Variants in PTPRG observed in about 807,000 individuals in gnomAD.
The protein encoded by PTPRG is receptor-type tyrosine-protein phosphatase gamma.
Under a neutral mutation model 165.3 loss-of-function variants are expected in PTPRG, and 102 were observed. The observed-to-expected ratio is 0.62, with a 90% confidence interval of 0.53 to 0.73. The LOEUF is 0.73. PTPRG is among the 30% of genes least tolerant of loss of function. The pLI is 0.00. For synonymous variants in PTPRG, 675 were observed against 669.5 expected, an observed-to-expected ratio of 1.01 and a Z score of -0.13; for missense variants, 1,866 against 1,861.4, an observed-to-expected ratio of 1.00 and a Z score of -0.05.
chr3:62,086,491 C>A (rs940512939), intron 5 of PTPRG, among the ~76,000 whole-genome samples: 3 of 152,262 alleles, frequency 2.0e-5, no homozygotes, highest in African/African-American at 7.2e-5. Context: ...GAACTTCCTT[C>A]TTAGACTGCT....
intron 5 of PTPRG, among the ~76,000 whole-genome samples, chr3:62,121,914 G>A (rs1264292502): frequency 6.6e-6 from 1 of 152,164 alleles, no homozygotes; most frequent in Non-Finnish European, 1.5e-5. Context: ...ATCAATCAAG[G>A]CCTGCCAGGA....
chr3:62,163,915 G>A (rs756892662), intron 7 of PTPRG, among the ~76,000 whole-genome samples: 1 of 152,228 alleles, frequency 6.6e-6, no homozygotes, highest in Non-Finnish European at 1.5e-5. Flanking sequence ...CAGGTAGCAG[G>A]GGTAAGGGTT....
At chr3:61,600,537 T>G (rs1471265216) in intron 1 of PTPRG, among the ~76,000 whole-genome samples, 1 of 152,054 alleles carries the variant, frequency 6.6e-6, no homozygotes, top group East Asian at 1.9e-4. Context: ...TTGGTTCTTT[T>G]GTTTTTTGTT....
chr3:61,685,996 G>A lies in PTPRG; in HGVS notation c.86-62882G>A, dbSNP rs543213669. ...CGCTTGTTGGGGTATGAGTGGGAGC[G>A]CCGTGCTTCTGAACATTTGCAAAGC... On this transcript the variant is annotated intron_variant, in intron 1 of 29. Coordinates refer to ENST00000474889, the MANE Select transcript of PTPRG (RefSeq NM_002841.4). 3.3e-5 allele frequency among the ~76,000 whole-genome samples: 5 copies of A among 152,230 alleles called. No individual in the cohort carries two copies. The East Asian group carries it at 7.7e-4, about 24-fold the overall frequency.
At chr3:62,274,467 C>T (rs777827815) in intron 23 of PTPRG, among the ~76,000 whole-genome samples, 3 of 152,224 alleles carry the variant, frequency 2.0e-5, no homozygotes, top group South Asian at 4.1e-4. Context: ...ATCAAAATTG[C>T]TTCTAACTTT....
intron 2 of PTPRG, among the ~76,000 whole-genome samples, chr3:61,753,021 C>T (rs1019708252): frequency 2.0e-5 from 3 of 151,944 alleles, no homozygotes; most frequent in African/African-American, 7.3e-5. Context: ...TTTGTGAATA[C>T]CTGTAATTTT....
At chr3:61,997,457 G>GA (rs1206254911) in intron 3 of PTPRG, among the ~76,000 whole-genome samples, 19 of 152,190 alleles carry the variant, frequency 1.2e-4, no homozygotes, top group Admixed American at 4.6e-4. Context: ...TGTCACCTTG[G>GA]CTTTCTCTTA....
chr3:61,880,465 C>T (rs1323173702), intron 2 of PTPRG, among the ~76,000 whole-genome samples: 1 of 151,948 alleles, frequency 6.6e-6, no homozygotes, highest in African/African-American at 2.4e-5. Flanking sequence ...ACAAAAAATA[C>T]AAAAATTAGC....
At chr3:62,125,645 GCTC>G (rs1264252321) in intron 5 of PTPRG, among the ~76,000 whole-genome samples, 1 of 151,404 alleles carries the variant, frequency 6.6e-6, no homozygotes, top group East Asian at 1.9e-4. Flanking sequence ...CCTGAAATAA[GCTC>G]CTTTTGCCCC....
At chr3:61,760,014 C>G (rs2033780697) in intron 2 of PTPRG, among the ~76,000 whole-genome samples, 1 of 152,084 alleles carries the variant, frequency 6.6e-6, no homozygotes, top group Non-Finnish European at 1.5e-5. Flanking sequence ...TGATGTGTTA[C>G]ATTTCCTATT....
At chr3:62,106,976 A>G (rs1480601662) in intron 5 of PTPRG, among the ~76,000 whole-genome samples, 1 of 152,162 alleles carries the variant, frequency 6.6e-6, no homozygotes, top group Non-Finnish European at 1.5e-5. Context: ...CCTTTTCTGG[A>G]TTACCTTCAC....
intron 9 of PTPRG, among the ~76,000 whole-genome samples, chr3:62,192,402 T>C (rs1323043036): frequency 2.0e-5 from 2 of 99,996 alleles, no homozygotes; most frequent in African/African-American, 1.0e-4. Flanking sequence ...TCTTTTTTTT[T>C]TTTTTTTTTT....
chr3:62,067,037 TC>T (rs538451097), intron 4 of PTPRG, among the ~76,000 whole-genome samples: 762 of 48,160 alleles, frequency 0.016, 8 homozygotes, highest in African/African-American at 0.052. Flanking sequence ...AGATTCTGAC[TC>T]AAAAAAAAAA....
rs192022643 is a variant in PTPRG at position 61,989,584 on chromosome 3, C to T, written c.191-41C>T. 1,029 of 1,591,536 alleles carry T rather than the reference C, an allele frequency of 6.5e-4. 2 individuals are homozygous for T. The highest frequency in any genetic ancestry group is 6.9e-4 in the Non-Finnish European group (800 of 1,166,840). On this transcript the variant is annotated intron_variant, in intron 2 of 29. Transcript: ENST00000474889. ...AAGATTTATTCATTTCATCCCTGAC[C>T]CTTGAACCATGAGGATTGAAGTGTT...
chr3:61,700,304 T>G (rs1385113606), intron 1 of PTPRG, among the ~76,000 whole-genome samples: 1 of 152,202 alleles, frequency 6.6e-6, no homozygotes, highest in African/African-American at 2.4e-5. Flanking sequence ...CAGATCTGTT[T>G]TCTTCTTTGA....
chr3:61,707,698 T>C (rs2031333310), intron 1 of PTPRG, among the ~76,000 whole-genome samples: 1 of 152,228 alleles, frequency 6.6e-6, no homozygotes, highest in Non-Finnish European at 1.5e-5. Flanking sequence ...GAATAATGAA[T>C]TGACCAAATA....
intron 8 of PTPRG, among the ~76,000 whole-genome samples, chr3:62,174,459 G>A (rs780545621): frequency 1.3e-5 from 2 of 152,120 alleles, no homozygotes; most frequent in East Asian, 3.9e-4. Context: ...GCTGATGGAG[G>A]GATCTCTTTT....
intron 8 of PTPRG, among the ~76,000 whole-genome samples, chr3:62,175,995 G>A (rs1705408139): frequency 6.6e-6 from 1 of 152,212 alleles, no homozygotes; most frequent in African/African-American, 2.4e-5. Flanking sequence ...AAGACTGTTA[G>A]GAGTTAAGAT....
rs944069630 is a variant in PTPRG at position 62,229,279 on chromosome 3, G to A, written c.2289-1946G>A. ...CTATGTGCCTGTGCTGGGAGATCTG[G>A]GTCACATGGCAGCTAATGCTGTGGA... On this transcript the variant is annotated intron_variant, in intron 13 of 29. Coordinates refer to ENST00000474889, the MANE Select transcript of PTPRG (RefSeq NM_002841.4). This position sits in a 1 kb window ranked among gnomAD's most constrained non-coding sequence, Gnocchi z 4.6. 2.0e-5 allele frequency among the ~76,000 whole-genome samples: 3 copies of A among 152,066 alleles called. No homozygotes were observed. The highest frequency in any genetic ancestry group is 6.5e-5 in the Admixed American group (1 of 15,272).
Sources: allele counts gnomAD v4.1 joint callset (sites outside exome capture counted in the v4.1 genomes callset), GRCh38; gene constraint gnomAD v4.1.1; non-coding constraint Gnocchi (gnomAD v3.1); transcripts MANE v1.5; gene names NCBI Gene and HGNC (gene_info 2026-07-23, HGNC 2026-07-21).